Variants in CILP2 observed in about 807,000 individuals in gnomAD.
The protein encoded by CILP2 is cartilage intermediate layer protein 2.
CILP2 carries 38 observed loss-of-function variants against 45.6 expected under a neutral mutation model. That is an observed-to-expected ratio of 0.83 (90% confidence interval 0.64 to 1.09). The LOEUF is 1.09. Ranked by LOEUF, CILP2 falls within the 50% of genes least tolerant of loss-of-function variation. CILP2 has a pLI of 0.00. For synonymous variants in CILP2, 780 were observed against 723.5 expected (o/e 1.08, Z -1.25); for missense variants, 1,735 against 1,662.2 (o/e 1.04, Z -0.76).
Position 19,545,893 on chromosome 19 carries a change from G to C in CILP2, c.3348G>C (p.Gln1116His), listed in dbSNP as rs1182613213. The C allele has an allele frequency of 2.5e-6, 4 of 1,584,368 alleles. No individual in the cohort carries two copies. The Admixed American group carries it at 6.9e-5, about 27-fold the overall frequency. The stretch of plus-strand genomic sequence containing the variant: ...CGGCCGGACGACCCAGCCTCTTCCA[G>C]AGGCTGCTGGAGTCCCCGGCGACAG... The part of the protein sequence containing the change: ...EPPAGRPSLF[Q>H]RLLESPATAL... The change falls in exon 8 of 8, where the codon CAG becomes CAC. Residue 1116 changes from glutamine to histidine, a missense_variant. Gln to His is a conservative substitution (Grantham distance 24, BLOSUM62 0). Coordinates refer to ENST00000291495, the MANE Select transcript of CILP2 (RefSeq NM_153221.2).
chr19:19,546,023 C>A lies in CILP2; in HGVS notation c.*7C>A. The A allele has an allele frequency of 6.9e-7, 1 of 1,453,078 alleles. No homozygotes were observed. The highest frequency in any genetic ancestry group is 9.0e-7 in the Non-Finnish European group (1 of 1,105,536). The allele number at this position is 1,453,078 out of a possible 1,614,324, so 90.0% of individuals were successfully genotyped here. On this transcript the variant is annotated 3_prime_UTR_variant, in exon 8 of 8. Transcript: ENST00000291495. ...GGGTAGGGTCCGGCAGTGACCTGGG[C>A]AGGGGCCTCGCTTTCCCACCTCCCT...
chr19:19,545,308 C>A lies in CILP2; in HGVS notation c.2763C>A (p.Ser921=). 6.2e-7 allele frequency: 1 copy of A among 1,612,820 alleles called. No homozygotes were observed. Among genetic ancestry groups the A allele is most frequent in the Non-Finnish European group, 8.5e-7 (1 of 1,179,886 alleles). Reference sequence around the variant, plus strand: ...CCTTCCGAGAGGGCACACCTGCCTCCTGGACTGGCGATCTCCTGGCCTGGT... The same window carrying A: ...CCTTCCGAGAGGGCACACCTGCCTCATGGACTGGCGATCTCCTGGCCTGGT... The part of the protein sequence containing the change: ...VVPFREGTPA[S]WTGDLLAWWP... The change falls in exon 8 of 8, where the codon TCC becomes TCA. Residue 921 remains serine, a synonymous_variant. Coordinates refer to ENST00000291495, the MANE Select transcript of CILP2 (RefSeq NM_153221.2).
chr19:19,545,438 A>C lies in CILP2; in HGVS notation c.2893A>C (p.Thr965Pro). Residue 965 changes from threonine (T) to proline (P), a missense_variant, in exon 8 of 8, where the codon ACC becomes CCC. By Grantham distance (38) the Thr-to-Pro change is conservative. Transcript: ENST00000291495. ...SHNAGGSHPR[T>P]RGQLYGLRDA... The stretch of plus-strand genomic sequence containing the variant: ...CAACGCAGGGGGCAGCCACCCACGC[A>C]CCCGCGGCCAGCTCTACGGACTTCG... The C allele has an allele frequency of 6.2e-7, 1 of 1,612,286 alleles. No individual in the cohort carries two copies. The highest frequency in any genetic ancestry group is 8.5e-7 in the Non-Finnish European group (1 of 1,179,652).
intron 3 of CILP2, chr19:19,540,782 T>A (rs2061240523): frequency 4.5e-6 from 2 of 448,570 alleles, no homozygotes; most frequent in African/African-American, 2.0e-5. Context: ...CATTTGAGCA[T>A]CTGTAAGAGC....
Position 19,542,773 on chromosome 19 carries a change from C to T in CILP2, c.869-91C>T, listed in dbSNP as rs944406547. 2.9e-5 allele frequency: 45 copies of T among 1,567,982 alleles called. No homozygotes were observed. In the Admixed American group the frequency reaches 6.0e-4, roughly 21 times the overall value. On this transcript the variant is annotated intron_variant, in intron 5 of 7. Transcript: ENST00000291495. ...TCATTGGCGAAGGCACAGAGTGAGT[C>T]GGCATTTCTGGGAGAAAGGAGAGGA...
rs1364655949 is a variant in CILP2 at position 19,544,939 on chromosome 19, C to T, written c.2394C>T (p.Asp798=). 1 of 1,593,014 alleles carries T rather than the reference C, an allele frequency of 6.3e-7. No individual in the cohort carries two copies. The highest frequency in any genetic ancestry group is 8.5e-7 in the Non-Finnish European group (1 of 1,176,810). The part of the protein sequence containing the change: ...PNGACLPAFC[D]ADRPDAYTAL... ...GCGCCTGCCTCCCCGCCTTCTGCGA[C>T]GCCGACAGGCCAGACGCCTACACCG... The change falls in exon 8 of 8, where the codon GAC becomes GAT. Residue 798 remains aspartate, a synonymous_variant. Transcript: ENST00000291495.
chr19:19,542,382 C>T lies in CILP2; in HGVS notation c.600C>T (p.Ser200=), dbSNP rs2061247645. The change falls in exon 5 of 8, where the codon AGC becomes AGT. Residue 200 remains serine (S), a synonymous_variant. Transcript: ENST00000291495. ...KCVRPRCPGC[S]LDTCECPDHI... ...CTCTCCATATCCCCCCAGGGTGCAG[C>T]CTTGACACCTGTGAATGCCCGGACC... The T allele has an allele frequency of 6.2e-7, 1 of 1,610,952 alleles. No homozygotes were observed. The highest frequency in any genetic ancestry group is 8.5e-7 in the Non-Finnish European group (1 of 1,179,128).
rs182178288 is a variant in CILP2 at position 19,541,448 on chromosome 19, G to T, written c.592+202G>T. ...GGGGCTGTGAAGGGCGGGGCCTGGT[G>T]CGGGGGCGGAGCCTGGAGGACCCAA... On this transcript the variant is annotated intron_variant, in intron 4 of 7. Transcript: ENST00000291495. Among the ~76,000 whole-genome samples the T allele has an allele frequency of 2.4e-4, 36 of 152,200 alleles. No homozygotes were observed. In the East Asian group the frequency reaches 6.2e-3, roughly 26 times the overall value.
Position 19,539,632 on chromosome 19 carries a change from C to T in CILP2, c.65-47C>T, listed in dbSNP as rs2061236313. The T allele has an allele frequency of 2.2e-6, 3 of 1,394,766 alleles. No homozygotes were observed. The Admixed American group carries it at 6.6e-5, about 31-fold the overall frequency. 86.4% of individuals were successfully genotyped at this position (1,394,766 alleles called of 1,614,324 possible). ...TGCCTAAAAGGAGGCTCCCAGCGGT[C>T]CCCATCAGTAGCAGCGTGCTTCCTT... On this transcript the variant is annotated intron_variant, in intron 1 of 7. Transcript: ENST00000291495.
intron 6 of CILP2, 123 bp from the exon 7 acceptor site, chr19:19,543,125 G>T: frequency 8.9e-7 from 1 of 1,127,052 alleles, no homozygotes. Flanking sequence ...GGCTGAATGG[G>T]GCCAGTCTTG....
chr19:19,542,744 A>G lies in CILP2; in HGVS notation c.868+94A>G. ...AAGAGAGGAAGAAATGAGATGTGAC[A>G]CAGTCATTGGCGAAGGCACAGAGTG... On this transcript the variant is annotated intron_variant, in intron 5 of 7. Coordinates refer to ENST00000291495, the MANE Select transcript of CILP2 (RefSeq NM_153221.2). The G allele has an allele frequency of 5.0e-6, 8 of 1,587,536 alleles. No homozygotes were observed. In the South Asian group the frequency reaches 7.8e-5, roughly 15 times the overall value.
At position 19,545,996 on chromosome 19, in the gene CILP2, C is replaced by G; in HGVS notation, c.3451C>G (p.Arg1151Gly). The G allele has an allele frequency of 4.7e-6, 7 of 1,498,562 alleles. No individual in the cohort carries two copies. The highest frequency in any genetic ancestry group is 6.2e-6 in the Non-Finnish European group (7 of 1,124,158). 92.8% of individuals were successfully genotyped at this position (1,498,562 alleles called of 1,614,324 possible). A position where few individuals can be genotyped will look rare whatever the true frequency, so the allele number is the denominator to read the frequency against. ...GGCCTCAGGTCCCCTCCGCACCCGC[C>G]GGGGTAGGGTCCGGCAGTGACCTGG... Reference protein sequence around the residue: ...ARASGPLRTRRGRVRQ With the variant: ...ARASGPLRTRGGRVRQ The change falls in exon 8 of 8, where the codon CGG becomes GGG. Residue 1151 changes from arginine (R) to glycine (G), a missense_variant. Physicochemically the swap from Arg to Gly is moderately radical, Grantham distance 125. Transcript: ENST00000291495.
In CILP2 at chr19:19,545,389, C is replaced by T; in HGVS notation, c.2844C>T (p.Pro948=). 6.2e-7 allele frequency: 1 copy of T among 1,612,670 alleles called. No homozygotes were observed. Among genetic ancestry groups the T allele is most frequent in the Non-Finnish European group, 8.5e-7 (1 of 1,179,842 alleles). Residue 948 remains proline (P), a synonymous_variant, in exon 8 of 8, where the codon CCC becomes CCT. Transcript: ENST00000291495. ...TCCTCAAGGTGAAGATCCAGGGTCC[C>T]CAGGAGTATATGGTCCGCTCCCACA... The part of the protein sequence containing the change: ...ACFLKVKIQG[P]QEYMVRSHNA...
chr19:19,542,323 A>G (rs2061247411), intron 4 of CILP2, 52 bp from the exon 5 acceptor site: 4 of 1,564,168 alleles, frequency 2.6e-6, no homozygotes, highest in Non-Finnish European at 3.5e-6. Context: ...AGCCCTCCTC[A>G]GGAGGGAGTG....
In CILP2 at chr19:19,545,524, C is replaced by T; in HGVS notation, c.2979C>T (p.Phe993=). ...RPGTSAACVE[F]KCSGMLFDQR... is the part of the protein sequence containing the mutation. ...GCACCTCGGCAGCCTGCGTGGAGTT[C>T]AAGTGCAGCGGGATGCTGTTCGACC... Residue 993 remains phenylalanine, a synonymous_variant, in exon 8 of 8, where the codon TTC becomes TTT. Coordinates refer to ENST00000291495, the MANE Select transcript of CILP2 (RefSeq NM_153221.2). 1 of 1,612,624 alleles carries T rather than the reference C, an allele frequency of 6.2e-7. No homozygotes were observed. The highest frequency in any genetic ancestry group is 8.5e-7 in the Non-Finnish European group (1 of 1,179,816).
chr19:19,543,956 C>G lies in CILP2; in HGVS notation c.1411C>G (p.Pro471Ala). Residue 471 changes from proline (P) to alanine (A), a missense_variant, in exon 8 of 8, where the codon CCT becomes GCT. Transcript: ENST00000291495. Reference sequence around the variant, plus strand: ...GTGTGGCTGCCAGAAGTGTCTGCCCCCTCGGGGGCTGGTCCGGGGCCGTGT... The same window carrying G: ...GTGTGGCTGCCAGAAGTGTCTGCCCGCTCGGGGGCTGGTCCGGGGCCGTGT... ...AECGCQKCLP[P>A]RGLVRGRVVA... 3 of 1,613,444 alleles carry G rather than the reference C, an allele frequency of 1.9e-6. No individual in the cohort carries two copies. Among genetic ancestry groups the G allele is most frequent in the South Asian group, 1.1e-5 (1 of 91,072 alleles).
Position 19,544,337 on chromosome 19 carries a change from C to A in CILP2, c.1792C>A (p.Pro598Thr), listed in dbSNP as rs746095504. The A allele has an allele frequency of 6.2e-7, 1 of 1,611,866 alleles. No individual in the cohort carries two copies. Among genetic ancestry groups the A allele is most frequent in the Non-Finnish European group, 8.5e-7 (1 of 1,179,820 alleles). The change falls in exon 8 of 8, where the codon CCC becomes ACC. Residue 598 changes from proline (P) to threonine (T), a missense_variant. By Grantham distance (38) the Pro-to-Thr change is conservative. Coordinates refer to ENST00000291495, the MANE Select transcript of CILP2 (RefSeq NM_153221.2). ...SGAFRRADGK[P>T]YSGPVEARVT... Reference sequence around the variant, plus strand: ...CGCTTTCCGCAGAGCCGACGGCAAACCCTACTCGGGGCCTGTGGAGGCCCG... The same window carrying A: ...CGCTTTCCGCAGAGCCGACGGCAAAACCTACTCGGGGCCTGTGGAGGCCCG...
At position 19,543,032 on chromosome 19, in the gene CILP2, C is replaced by A. The variant is rs1174456071; in HGVS notation, c.977+60C>A. 4 of 1,204,012 alleles carry A rather than the reference C, an allele frequency of 3.3e-6. No individual in the cohort carries two copies. In the Admixed American group the frequency reaches 5.6e-5, roughly 17 times the overall value. The allele number at this position is 1,204,012 out of a possible 1,614,324, so 74.6% of individuals were successfully genotyped here. On this transcript the variant is annotated intron_variant, in intron 6 of 7. Transcript: ENST00000291495. ...GTGGCTTTGGGGTTAGATTCAATTT[C>A]ATGTTGTTATGTGGTTTCCCATCTG...
intron 2 of CILP2, 98 bp from the exon 3 acceptor site, chr19:19,540,106 A>T: frequency 7.2e-7 from 1 of 1,386,942 alleles, no homozygotes. Context: ...GCCGGTGCCC[A>T]CCGGGGGAGG....
Sources: allele counts gnomAD v4.1 joint callset (sites outside exome capture counted in the v4.1 genomes callset), GRCh38; gene constraint gnomAD v4.1.1; transcripts MANE v1.5; gene names NCBI Gene and HGNC (gene_info 2026-07-23, HGNC 2026-07-21).